The following ZNF630 variants were observed in gnomAD, a reference collection of about 807,000 sequenced individuals.
The protein encoded by ZNF630 is zinc finger protein 630.
A neutral mutation model predicts 7.2 loss-of-function variants in ZNF630; 5 were observed. The observed-to-expected ratio is 0.70, with a 90% CI of 0.36 to 1.46. The LOEUF (loss-of-function observed/expected upper bound fraction) is 1.46, where lower values mean the gene tolerates loss of function less well. ZNF630 is among the 40% of genes most tolerant of loss of function. ZNF630 has a pLI of 0.03. For synonymous variants in ZNF630, 158 were observed against 162.8 expected, an observed-to-expected ratio of 0.97 and a Z score of 0.23; for missense variants, 461 against 477.0, an observed-to-expected ratio of 0.97 and a Z score of 0.31.
Position 48,060,169 on chromosome X carries a change from G to T in ZNF630, c.273C>A (p.Ile91=). 8.7e-7 allele frequency: 1 copy of T among 1,152,499 alleles called. No individual in the cohort carries two copies. Among genetic ancestry groups the T allele is most frequent in the South Asian group, 2.0e-5 (1 of 50,947 alleles). The allele number at this position is 1,152,499 out of a possible 1,213,427, so 95.0% of individuals were successfully genotyped here. A position where few individuals can be genotyped will look rare whatever the true frequency, so the allele number is the denominator to read the frequency against. ...TTTGAAATAAAAGTTCTCCAGAAAT[G>T]ATCTGCTGGGAAGATTCAAGGCCTT... The part of the protein sequence containing the change: ...RVKGLESSQQ[I]ISGELLFQRE... The change falls in exon 5 of 5, where the codon ATC becomes ATA. Residue 91 remains isoleucine, a synonymous_variant. Coordinates refer to ENST00000276054, the MANE Select transcript of ZNF630 (RefSeq NM_001282201.2).
intron 2 of ZNF630, among the ~76,000 whole-genome samples, chrX:48,065,575 T>G (rs1461089839): frequency 2.8e-5 from 3 of 107,283 alleles, no homozygotes; most frequent in African/African-American, 1.0e-4. Flanking sequence ...CCCAGCTACT[T>G]GGGAGACTGA....
intron 1 of ZNF630, among the ~76,000 whole-genome samples, chrX:48,069,552 A>C (rs1254285850): frequency 9.0e-6 from 1 of 111,356 alleles, no homozygotes; most frequent in Admixed American, 9.5e-5. Flanking sequence ...TTAGTGCTGC[A>C]AAACTATGGC....
At position 48,060,820 on chromosome X, in the gene ZNF630, C is replaced by T; in HGVS notation, c.141G>A (p.Val47=). The T allele has an allele frequency of 8.4e-7, 1 of 1,195,325 alleles. No individual in the cohort carries two copies. The highest frequency in any genetic ancestry group is 1.1e-6 in the Non-Finnish European group (1 of 885,270). Residue 47 remains valine, a splice_region_variant and synonymous_variant, in exon 3 of 5, where the codon GTG becomes GTA. Transcript: ENST00000276054. ...GGTACACAGGGAATCTGCCCTTACC[C>T]ACGGAGACCAGGTGATTATAGGTCT... ...MLETYNHLVS[V]GCSGIKPDVI...
intron 1 of ZNF630, among the ~76,000 whole-genome samples, chrX:48,069,243 A>G (rs1556910599): frequency 9.5e-6 from 1 of 104,989 alleles, no homozygotes; most frequent in East Asian, 2.9e-4. Context: ...CCTGTCAAAG[A>G]AAAAAAAAAA....
chrX:48,068,199 GA>G (rs201002684), intron 1 of ZNF630, among the ~76,000 whole-genome samples: 2,704 of 45,172 alleles, frequency 0.06, 73 homozygotes, highest in East Asian at 0.26. Context: ...AGGAAGGAAG[GA>G]AAGAAAAGAA....
rs1295803023 is a variant in ZNF630 at position 48,057,735 on chromosome X, A to G, written c.*733T>C. Among the ~76,000 whole-genome samples, 2 of 111,452 alleles carry G rather than the reference A, an allele frequency of 1.8e-5. No individual in the cohort carries two copies. Among genetic ancestry groups the G allele is most frequent in the African/African-American group, 6.5e-5 (2 of 30,548 alleles). ...AAAGAGTCCATATTTCTACATCTAT[A>G]TATTGATATATCAATATCTCAATCT... On this transcript the variant is annotated 3_prime_UTR_variant, in exon 5 of 5. Coordinates refer to ENST00000276054, the MANE Select transcript of ZNF630 (RefSeq NM_001282201.2).
chrX:48,063,669 C>G (rs782484356), intron 2 of ZNF630, among the ~76,000 whole-genome samples: 3 of 110,912 alleles, frequency 2.7e-5, no homozygotes, highest in Non-Finnish European at 5.7e-5. Context: ...GGGCAGATCA[C>G]TTGAGGTCAG....
At chrX:48,061,701 G>A (rs1318658188) in intron 2 of ZNF630, 5 of 304,564 alleles carry the variant, frequency 1.6e-5, no homozygotes, top group East Asian at 1.2e-4. Context: ...TAGTGAGTGA[G>A]TTCTCACAAG....
At chrX:48,070,333 G>A (rs1451339884) in intron 1 of ZNF630, among the ~76,000 whole-genome samples, 3 of 108,264 alleles carry the variant, frequency 2.8e-5, no homozygotes, top group African/African-American at 3.4e-5. Flanking sequence ...ATTCCTGGCC[G>A]GGCACGGTGG....
At chrX:48,062,051 T>C (rs1435310908) in intron 2 of ZNF630, among the ~76,000 whole-genome samples, 2 of 111,952 alleles carry the variant, frequency 1.8e-5, no homozygotes, top group African/African-American at 3.3e-5. Context: ...ACAGCATTTT[T>C]CCCTTACATA....
At chrX:48,060,996 T>C in intron 2 of ZNF630, 51 bp from the exon 3 acceptor site, 1 of 1,121,290 alleles carries the variant, frequency 8.9e-7, no homozygotes, top group South Asian at 2.3e-5. Flanking sequence ...ATTTTTACCA[T>C]AGCAGTACAT....
Position 48,060,106 on chromosome X carries a change from C to A in ZNF630, c.336G>T (p.Leu112Phe). Reference sequence around the variant, plus strand: ...TATGCCAGATTTTTAAAACAGAGTACAATGAATTATCCTTTGGGGCTCTTT... The same window carrying A: ...TATGCCAGATTTTTAAAACAGAGTAAAATGAATTATCCTTTGGGGCTCTTT... ...ILERAPKDNS[L>F]YSVLKIWHID... Residue 112 changes from leucine (L) to phenylalanine (F), a missense_variant, in exon 5 of 5, where the codon TTG (leucine) becomes TTT (phenylalanine). By Grantham distance (22) the Leu-to-Phe change is conservative (BLOSUM62 0). Transcript: ENST00000276054. 1 of 1,185,888 alleles carries A rather than the reference C, an allele frequency of 8.4e-7. No individual in the cohort carries two copies. Among genetic ancestry groups the A allele is most frequent in the Admixed American group, 2.3e-5 (1 of 42,680 alleles).
chrX:48,068,046 G>C (rs1192183613), intron 1 of ZNF630, among the ~76,000 whole-genome samples: 2 of 107,066 alleles, frequency 1.9e-5, no homozygotes, highest in African/African-American at 6.9e-5. Context: ...TGGGCAACGA[G>C]CGAGTGAGGA....
chrX:48,068,349 T>G (rs782675960), intron 1 of ZNF630, among the ~76,000 whole-genome samples: 1 of 110,977 alleles, frequency 9.0e-6, no homozygotes, highest in Non-Finnish European at 1.9e-5. Context: ...GTGGCCTAGA[T>G]GAGGACTTGG....
intron 2 of ZNF630, among the ~76,000 whole-genome samples, chrX:48,062,409 A>G (rs1556909316): frequency 2.7e-5 from 3 of 112,450 alleles, no homozygotes; most frequent in Non-Finnish European, 3.8e-5. Flanking sequence ...TACAATCTCC[A>G]TAAGGGAATA....
At chrX:48,060,316 G>A in intron 4 of ZNF630, 113 bp from the exon 5 acceptor site, 1 of 975,774 alleles carries the variant, frequency 1.0e-6, no homozygotes, top group Non-Finnish European at 1.4e-6. Context: ...AGAGGTACTA[G>A]GAAGGTGGCT....
chrX:48,060,937 C>T lies in ZNF630; in HGVS notation c.24G>A (p.Val8=). The T allele has an allele frequency of 8.3e-7, 1 of 1,201,170 alleles. No homozygotes were observed. The highest frequency in any genetic ancestry group is 1.1e-6 in the Non-Finnish European group (1 of 888,868). The part of the protein sequence containing the change: MIESQEP[V]TFEDVAVDFT... ...AGTCCACAGCCACATCCTCAAATGT[C>T]ACTGGTTCCTATAACAGCACATTCC... Residue 8 remains valine, a synonymous_variant, in exon 3 of 5, where the codon GTG becomes GTA. Transcript: ENST00000276054.
Position 48,060,435 on chromosome X carries a change from C to G in ZNF630, c.238+15G>C. 5.1e-6 allele frequency: 6 copies of G among 1,179,377 alleles called. 1 individual carries two copies. The highest frequency in any genetic ancestry group is 6.9e-6 in the Non-Finnish European group (6 of 871,856). On this transcript the variant is annotated intron_variant, in intron 4 of 4. Transcript: ENST00000276054. ...AGAAGATGCCCGCTTGACCATGTAC[C>G]CAATTCTCACTTACCTGGGTAGATC...
intron 1 of ZNF630, among the ~76,000 whole-genome samples, chrX:48,069,139 G>T (rs2059147385): frequency 9.1e-6 from 1 of 109,368 alleles, no homozygotes; most frequent in Non-Finnish European, 1.9e-5. Context: ...TACTTGGCAG[G>T]CTGAGGCAGG....
Sources: gnomAD v4.1 joint callset for allele counts (sites outside exome capture counted in the v4.1 genomes callset) on GRCh38, gnomAD v4.1.1 for gene constraint, MANE v1.5 for transcripts, NCBI Gene and HGNC (gene_info 2026-07-23, HGNC 2026-07-21) for gene names.